The following AGAP1 variants were observed in gnomAD, a reference collection of about 807,000 sequenced individuals.
The protein encoded by AGAP1 is ArfGAP with GTPase domain, ankyrin repeat and PH domain 1, also known as arf-GAP with GTPase, ANK repeat and PH domain-containing protein 1.
In AGAP1, 29 loss-of-function variants were observed where a neutral mutation model predicts 105.3. The ratio of observed to expected loss-of-function variants is 0.28; its 90% CI spans 0.21 to 0.38. AGAP1 has a LOEUF of 0.38. Ranked by LOEUF, AGAP1 falls within the 10% of genes least tolerant of loss-of-function variation. The pLI is 1.00. For missense variants in AGAP1, 998 were observed against 1,165.1 expected (o/e 0.86, Z 2.09); for synonymous variants, 509 against 485.9 (o/e 1.05, Z -0.63).
In AGAP1 at chr2:235,752,939, G is replaced by A. The variant is rs1953577388; in HGVS notation, c.673+2451G>A. On this transcript the variant is annotated intron_variant, in intron 6 of 17. Coordinates refer to ENST00000304032, the MANE Select transcript of AGAP1 (RefSeq NM_001037131.3). The surrounding 1 kb of genome is among the most constrained non-coding windows in gnomAD (Gnocchi z 4.3). ...AGGGCCAGGTGCTGGTGGGTGTGGT[G>A]TCTGCTGAGGGCCATCCTCCTAGTG... 6.6e-6 allele frequency among the ~76,000 whole-genome samples: 1 copy of A among 152,144 alleles called. No homozygotes were observed. Among genetic ancestry groups the A allele is most frequent in the Admixed American group, 6.5e-5 (1 of 15,274 alleles).
Position 235,879,494 on chromosome 2 carries a change from C to T in AGAP1, c.1051-3851C>T, listed in dbSNP as rs1176125819. Among the ~76,000 whole-genome samples the T allele has an allele frequency of 2.0e-5, 3 of 152,194 alleles. No homozygotes were observed. The highest frequency in any genetic ancestry group is 2.9e-5 in the Non-Finnish European group (2 of 68,036). On this transcript the variant is annotated intron_variant, in intron 9 of 17. Coordinates refer to ENST00000304032, the MANE Select transcript of AGAP1 (RefSeq NM_001037131.3). The surrounding 1 kb of genome is among the most constrained non-coding windows in gnomAD (Gnocchi z 5.0). ...AATAGTGCCTATAATCCAAGATTAT[C>T]CCCCCTGGCAAGACGTAGAGTTTAA...
rs370576424 is a variant in AGAP1, at chr2:235,711,712, C to G, written c.222+2475C>G. ...CCTCATCGGCACCCCCAGCAGATCC[C>G]TTGTGTGCTGAGGAGTGCTCAGGGA... is the stretch of plus-strand genomic sequence containing the variant. On this transcript the variant is annotated intron_variant, in intron 2 of 17. Transcript: ENST00000304032. Among the ~76,000 whole-genome samples the G allele has an allele frequency of 2.0e-4, 31 of 152,304 alleles. No homozygotes were observed. In the East Asian group the frequency reaches 4.4e-3, roughly 22 times the overall value.
chr2:235,937,014 G>T (rs1344722368), intron 12 of AGAP1, among the ~76,000 whole-genome samples: 1 of 151,980 alleles, frequency 6.6e-6, no homozygotes, highest in African/African-American at 2.4e-5. Flanking sequence ...GATAGCGCTT[G>T]CTTTTCAAGG....
At chr2:235,604,330 T>A (rs943542926) in intron 1 of AGAP1, among the ~76,000 whole-genome samples, 21 of 151,798 alleles carry the variant, frequency 1.4e-4, no homozygotes, top group Non-Finnish European at 2.4e-4. Context: ...AGATTTTTTT[T>A]AATTAGCTGA....
At position 236,002,144 on chromosome 2, in the gene AGAP1, G is replaced by A. The variant is rs1319764933; in HGVS notation, c.1645+33521G>A. 1.3e-5 allele frequency among the ~76,000 whole-genome samples: 2 copies of A among 152,210 alleles called. No homozygotes were observed. Among genetic ancestry groups the A allele is most frequent in the African/African-American group, 4.8e-5 (2 of 41,456 alleles). On this transcript the variant is annotated intron_variant, in intron 13 of 17. Transcript: ENST00000304032. The surrounding 1 kb of genome is among the most constrained non-coding windows in gnomAD (Gnocchi z 4.3). ...AAGAGCTGGCTTCCCCGCACAAGCA[G>A]TGCTACCAAGGGTCCATTTGTTACT...
At chr2:235,929,564 G>A (rs934680599) in intron 11 of AGAP1, among the ~76,000 whole-genome samples, 4 of 151,928 alleles carry the variant, frequency 2.6e-5, no homozygotes, top group African/African-American at 7.3e-5. Flanking sequence ...TTTGTTAATC[G>A]CTGATTGGGT....
intron 5 of AGAP1, among the ~76,000 whole-genome samples, chr2:235,746,377 CTTTT>C (rs1172393048): frequency 0.064 from 3,538 of 55,272 alleles, 99 homozygotes; most frequent in Non-Finnish European, 0.08. Flanking sequence ...CCTCCCCCAA[CTTTT>C]TTTTTTTTTT....
intron 1 of AGAP1, among the ~76,000 whole-genome samples, chr2:235,498,831 C>T (rs1353788125): frequency 6.6e-6 from 1 of 152,164 alleles, no homozygotes; most frequent in East Asian, 1.9e-4. Context: ...GAGAGGAAAC[C>T]CAGGCTCTCC....
chr2:235,767,538 T>A (rs1244735561), intron 6 of AGAP1, among the ~76,000 whole-genome samples: 2 of 152,160 alleles, frequency 1.3e-5, no homozygotes, highest in Non-Finnish European at 2.9e-5. Flanking sequence ...AAAGGCAAAG[T>A]CAGACTGACA....
chr2:235,780,734 A>G (rs1227607585), intron 6 of AGAP1, among the ~76,000 whole-genome samples: 1 of 152,218 alleles, frequency 6.6e-6, no homozygotes, highest in Admixed American at 6.5e-5. Context: ...ACTTCAAGTA[A>G]AGGAAAACTT....
At chr2:235,940,765 C>T (rs2053223107) in intron 12 of AGAP1, among the ~76,000 whole-genome samples, 1 of 152,188 alleles carries the variant, frequency 6.6e-6, no homozygotes, top group Admixed American at 6.5e-5. Flanking sequence ...ATCCTGTTTG[C>T]TTATGTGTCT....
chr2:235,974,295 G>A (rs1397655617), intron 13 of AGAP1, among the ~76,000 whole-genome samples: 1 of 152,124 alleles, frequency 6.6e-6, no homozygotes, highest in Non-Finnish European at 1.5e-5. Context: ...CTGGGAGTGG[G>A]GCACACTGAA....
intron 9 of AGAP1, among the ~76,000 whole-genome samples, chr2:235,876,360 G>A (rs953915672): frequency 6.6e-6 from 1 of 152,144 alleles, no homozygotes; most frequent in Non-Finnish European, 1.5e-5. Flanking sequence ...TCTTCAAAAT[G>A]GGATTCTGAT....
At position 235,752,308 on chromosome 2, in the gene AGAP1, G is replaced by A. The variant is rs1428021919; in HGVS notation, c.673+1820G>A. 6.6e-6 allele frequency among the ~76,000 whole-genome samples: 1 copy of A among 152,146 alleles called. No homozygotes were observed. Among genetic ancestry groups the A allele is most frequent in the Non-Finnish European group, 1.5e-5 (1 of 68,020 alleles). On this transcript the variant is annotated intron_variant, in intron 6 of 17. Coordinates refer to ENST00000304032, the MANE Select transcript of AGAP1 (RefSeq NM_001037131.3). The surrounding 1 kb of genome is among the most constrained non-coding windows in gnomAD (Gnocchi z 4.3). ...ATCTTGTGCCTCAGCCTCCCCAGTA[G>A]CTGGAATTACAGGTACACGCTGCCA...
rs1157945718 is a variant in AGAP1 at position 235,559,713 on chromosome 2, C to T, written c.163+64864C>T. 6.6e-6 allele frequency among the ~76,000 whole-genome samples: 1 copy of T among 150,912 alleles called. No individual in the cohort carries two copies. The highest frequency in any genetic ancestry group is 6.6e-5 in the Admixed American group (1 of 15,116). On this transcript the variant is annotated intron_variant, in intron 1 of 17. Coordinates refer to ENST00000304032, the MANE Select transcript of AGAP1 (RefSeq NM_001037131.3). The surrounding 1 kb of genome is among the most constrained non-coding windows in gnomAD (Gnocchi z 5.7). ...GTATCTCAACTGTGGTTTTGATTTG[C>T]ATTTCCCTGGTGACTAATGGTGTTG...
rs548059805 is a variant in AGAP1, at chr2:235,842,450, A to G, written c.1050+35119A>G. Reference sequence around the variant, plus strand: ...TGTTTTCTCTGGTCACCGTTTGGCAATGGAAGGTACTAGGTCTGCCACTGG... The same window carrying G: ...TGTTTTCTCTGGTCACCGTTTGGCAGTGGAAGGTACTAGGTCTGCCACTGG... On this transcript the variant is annotated intron_variant, in intron 9 of 17. Coordinates refer to ENST00000304032, the MANE Select transcript of AGAP1 (RefSeq NM_001037131.3). The surrounding 1 kb of genome is among the most constrained non-coding windows in gnomAD (Gnocchi z 5.3). Among the ~76,000 whole-genome samples the G allele has an allele frequency of 6.6e-6, 1 of 152,154 alleles. No individual in the cohort carries two copies. The highest frequency in any genetic ancestry group is 2.4e-5 in the African/African-American group (1 of 41,414).
intron 10 of AGAP1, among the ~76,000 whole-genome samples, chr2:235,896,559 G>T (rs1247096945): frequency 1.3e-5 from 2 of 152,212 alleles, no homozygotes; most frequent in South Asian, 4.1e-4. Context: ...AACTGTGCAG[G>T]CTTCATAACA....
In AGAP1 at chr2:236,040,761, C is replaced by T. The variant is rs1031246125; in HGVS notation, c.1811C>T (p.Thr604Met). ...TTCCTCCGTGCCCAGTCCCGGCTGA[C>T]GAGCCAGAGCGAGGCCATGGCCCTG... ...CESSKNKSRL[T>M]SQSEAMALQS... Residue 604 changes from threonine to methionine, a missense_variant, in exon 15 of 18, where the codon ACG (threonine) becomes ATG (methionine). This residue lies in a region of AGAP1 where 735 missense variants were observed against 833.4 expected (regional missense o/e 0.88). Coordinates refer to ENST00000304032, the MANE Select transcript of AGAP1 (RefSeq NM_001037131.3). This position sits in a 1 kb window ranked among gnomAD's most constrained non-coding sequence, Gnocchi z 5.6. 19 of 1,613,154 alleles carry T rather than the reference C, an allele frequency of 1.2e-5. No homozygotes were observed. Among genetic ancestry groups the T allele is most frequent in the Admixed American group, 1.7e-5 (1 of 60,006 alleles).
chr2:235,789,347 T>G lies in AGAP1; in HGVS notation c.674-8412T>G, dbSNP rs1301909886. 6.6e-6 allele frequency among the ~76,000 whole-genome samples: 1 copy of G among 152,200 alleles called. No individual in the cohort carries two copies. Among genetic ancestry groups the G allele is most frequent in the Non-Finnish European group, 1.5e-5 (1 of 68,044 alleles). Reference sequence around the variant, plus strand: ...TTGCTCTGTCCTGAAGGTAACTGTTTATTACAGTCGGCATTTAAATCCCCC... The same window carrying G: ...TTGCTCTGTCCTGAAGGTAACTGTTGATTACAGTCGGCATTTAAATCCCCC... On this transcript the variant is annotated intron_variant, in intron 6 of 17. Coordinates refer to ENST00000304032, the MANE Select transcript of AGAP1 (RefSeq NM_001037131.3). The surrounding 1 kb of genome is among the most constrained non-coding windows in gnomAD (Gnocchi z 4.2).
Sources: allele counts gnomAD v4.1 joint callset (sites outside exome capture counted in the v4.1 genomes callset), GRCh38; gene constraint gnomAD v4.1.1; regional missense constraint gnomAD v4.1.1; non-coding constraint Gnocchi (gnomAD v3.1); transcripts MANE v1.5; gene names NCBI Gene and HGNC (gene_info 2026-07-23, HGNC 2026-07-21).